The following CELF4 variants were observed in gnomAD, a reference collection of about 807,000 sequenced individuals.
CELF4 encodes the protein CUG-BP- and ETR-3-like factor 4.
In CELF4, 18 loss-of-function variants were observed where a neutral mutation model predicts 59.9. The ratio of observed to expected loss-of-function variants is 0.30; its 90% CI spans 0.21 to 0.45. The LOEUF (loss-of-function observed/expected upper bound fraction) is 0.45, where lower values mean the gene tolerates loss of function less well. Among genes scored for constraint, CELF4 ranks in the 20% least tolerant of loss-of-function variants. The pLI is 1.00. For synonymous variants in CELF4, 261 were observed against 267.1 expected, an observed-to-expected ratio of 0.98 and a Z score of 0.22; for missense variants, 456 against 689.0, an observed-to-expected ratio of 0.66 and a Z score of 3.79.
chr18:37,321,727 A>G, intron 3 of CELF4, 76 bp downstream of exon 3: 1 of 1,094,182 alleles, frequency 9.1e-7, no homozygotes, highest in Non-Finnish European at 1.4e-6. Flanking sequence ...GAGTCGCTGC[A>G]TCGCCTTGCT....
chr18:37,543,856 C>T (rs552544028), intron 1 of CELF4, among the ~76,000 whole-genome samples: 2 of 152,070 alleles, frequency 1.3e-5, no homozygotes, highest in East Asian at 1.9e-4. Context: ...GAGGCCGCTA[C>T]GTGGTCTGTG....
chr18:37,327,583 G>A (rs2097364004), intron 2 of CELF4, among the ~76,000 whole-genome samples: 1 of 152,230 alleles, frequency 6.6e-6, no homozygotes, highest in Non-Finnish European at 1.5e-5. Context: ...TTGGCCTGGA[G>A]GTTTGGGATG....
chr18:37,255,313 T>C (rs958092475), intron 11 of CELF4, among the ~76,000 whole-genome samples: 5 of 152,002 alleles, frequency 3.3e-5, no homozygotes, highest in African/African-American at 1.2e-4. Context: ...CCTTCCTCAC[T>C]TTCCCTACCT....
Position 37,480,946 on chromosome 18 carries a change from C to T in CELF4, c.369+4579G>A, listed in dbSNP as rs890703885. Among the ~76,000 whole-genome samples the T allele has an allele frequency of 4.6e-5, 7 of 152,258 alleles. No individual in the cohort carries two copies. In the South Asian group the frequency reaches 8.3e-4, roughly 18 times the overall value. ...AGAAAGGAGAGACAGTCTGAGATAG[C>T]GGTGCTAGAAATCCATTTGAGCTCT... On this transcript the variant is annotated intron_variant, in intron 2 of 12. Transcript: ENST00000420428.
chr18:37,366,452 T>G (rs1356730679), intron 2 of CELF4, among the ~76,000 whole-genome samples: 1 of 152,172 alleles, frequency 6.6e-6, no homozygotes, highest in Non-Finnish European at 1.5e-5. Flanking sequence ...AGCAAAGCAC[T>G]GAGGCTGAGA....
chr18:37,460,301 A>G (rs1403561062), intron 2 of CELF4, among the ~76,000 whole-genome samples: 2 of 152,214 alleles, frequency 1.3e-5, no homozygotes, highest in Admixed American at 6.5e-5. Context: ...AAAATGGAAC[A>G]CGGTCCTCTC....
intron 1 of CELF4, among the ~76,000 whole-genome samples, chr18:37,533,313 C>T (rs982645428): frequency 5.3e-5 from 8 of 152,176 alleles, no homozygotes; most frequent in African/African-American, 1.9e-4. Flanking sequence ...CCACACAGAA[C>T]CTATTAGACT....
intron 1 of CELF4, among the ~76,000 whole-genome samples, chr18:37,546,999 C>A (rs1425329184): frequency 6.6e-6 from 1 of 152,222 alleles, no homozygotes; most frequent in African/African-American, 2.4e-5. Context: ...ACAGACTCAA[C>A]TTCCAAATGG....
At chr18:37,523,033 G>A (rs2099959383) in intron 1 of CELF4, among the ~76,000 whole-genome samples, 1 of 152,302 alleles carries the variant, frequency 6.6e-6, no homozygotes, top group East Asian at 1.9e-4. Context: ...CAGTGGAGAC[G>A]TTCGTTGCCC....
At chr18:37,444,648 ACACACG>A (rs1215842548) in intron 2 of CELF4, among the ~76,000 whole-genome samples, 84 of 130,268 alleles carry the variant, frequency 6.4e-4, no homozygotes, top group Non-Finnish European at 1.1e-3. Context: ...ACACACACAC[ACACACG>A]CGAACGATGC....
At chr18:37,526,938 CCCGACATGT>C (rs1428225944) in intron 1 of CELF4, among the ~76,000 whole-genome samples, 1 of 152,120 alleles carries the variant, frequency 6.6e-6, no homozygotes, top group Non-Finnish European at 1.5e-5. Context: ...AAACAAGCCA[CCCGACATGT>C]CCGGGCCTCA....
chr18:37,332,578 A>G lies in CELF4; in HGVS notation c.370-10697T>C, dbSNP rs371217375. On this transcript the variant is annotated intron_variant, in intron 2 of 12. Transcript: ENST00000420428. ...AATGCCTTCCCCTCACCTAAGGGGCAGGGCTGGGTTGGCACAAACAAAAGA... is the reference window on the plus strand; with the variant it reads ...AATGCCTTCCCCTCACCTAAGGGGCGGGGCTGGGTTGGCACAAACAAAAGA... 2.9e-4 allele frequency among the ~76,000 whole-genome samples: 44 copies of G among 152,234 alleles called. 2 individuals are homozygous for G. The South Asian group carries it at 6.0e-3, about 21-fold the overall frequency.
Position 37,324,671 on chromosome 18 carries a change from G to C in CELF4, c.370-2790C>G, listed in dbSNP as rs559155699. On this transcript the variant is annotated intron_variant, in intron 2 of 12. Transcript: ENST00000420428. ...GAGCTCCCTGTTTTCCATTAAAAAG[G>C]TACACTCAAGGCTGGAAATTGACTT... Among the ~76,000 whole-genome samples, 4 of 152,228 alleles carry C rather than the reference G, an allele frequency of 2.6e-5. No individual in the cohort carries two copies. The South Asian group carries it at 8.3e-4, about 32-fold the overall frequency.
At chr18:37,372,577 C>T (rs1397640658) in intron 2 of CELF4, among the ~76,000 whole-genome samples, 1 of 152,056 alleles carries the variant, frequency 6.6e-6, no homozygotes, top group African/African-American at 2.4e-5. Flanking sequence ...CACATGTATA[C>T]ATATGTAACA....
intron 2 of CELF4, among the ~76,000 whole-genome samples, chr18:37,455,332 C>T (rs555510173): frequency 1.3e-5 from 2 of 152,240 alleles, no homozygotes; most frequent in African/African-American, 4.8e-5. Context: ...GCTTAATTTG[C>T]TCAGAGGGTT....
intron 1 of CELF4, among the ~76,000 whole-genome samples, chr18:37,509,097 G>A (rs1340310362): frequency 6.6e-6 from 1 of 152,060 alleles, no homozygotes; most frequent in Non-Finnish European, 1.5e-5. Flanking sequence ...CATCAAAATG[G>A]ACTTCAGCTT....
intron 2 of CELF4, among the ~76,000 whole-genome samples, chr18:37,472,108 T>A (rs1277280164): frequency 6.6e-6 from 1 of 152,210 alleles, no homozygotes; most frequent in Non-Finnish European, 1.5e-5. Context: ...GAAGGAGGTA[T>A]GATGTAGGCC....
At chr18:37,451,818 C>T (rs1401597276) in intron 2 of CELF4, among the ~76,000 whole-genome samples, 4 of 152,200 alleles carry the variant, frequency 2.6e-5, no homozygotes, top group Admixed American at 1.3e-4. Flanking sequence ...CTCTGAGCAG[C>T]CCAACCCCAG....
intron 2 of CELF4, among the ~76,000 whole-genome samples, chr18:37,441,097 C>T (rs763623965): frequency 9.2e-5 from 14 of 152,184 alleles, no homozygotes; most frequent in South Asian, 2.1e-4. Flanking sequence ...TGTCTCTCCC[C>T]GCTGGACCAG....
Sources: allele counts gnomAD v4.1 joint callset (sites outside exome capture counted in the v4.1 genomes callset), GRCh38; gene constraint gnomAD v4.1.1; transcripts MANE v1.5; gene names NCBI Gene and HGNC (gene_info 2026-07-23, HGNC 2026-07-21).